DPP10: variants seen among roughly 807,000 people sequenced by gnomAD.
DPP10 encodes dipeptidyl peptidase like 10, also known as inactive dipeptidyl peptidase 10.
Under a neutral mutation model 120.9 loss-of-function variants are expected in DPP10, and 33 were observed. The ratio of observed to expected loss-of-function variants is 0.27; its 90% CI spans 0.21 to 0.37. The LOEUF (loss-of-function observed/expected upper bound fraction) is 0.37, where lower values mean the gene tolerates loss of function less well. Ranked by LOEUF, DPP10 falls within the 10% of genes least tolerant of loss-of-function variation. DPP10 has a pLI of 1.00. For synonymous variants in DPP10, 337 were observed against 326.1 expected (o/e 1.03, Z -0.36); for missense variants, 816 against 942.8 (o/e 0.87, Z 1.76).
In DPP10 at chr2:114,754,482, C is replaced by A. The variant is rs550087424; in HGVS notation, c.60+311644C>A. Among the ~76,000 whole-genome samples the A allele has an allele frequency of 7.2e-5, 11 of 152,266 alleles. No homozygotes were observed. In the East Asian group the frequency reaches 2.1e-3, roughly 29 times the overall value. On this transcript the variant is annotated intron_variant, in intron 1 of 25. Transcript: ENST00000410059. ...TCTCTAAGTCTAGAGGGTAAGCAGT[C>A]CATCCTGTGAGGGAGCATAGTTATT...
chr2:114,931,479 A>G (rs899181513), intron 1 of DPP10, among the ~76,000 whole-genome samples: 7 of 152,204 alleles, frequency 4.6e-5, no homozygotes, highest in Non-Finnish European at 8.8e-5. Flanking sequence ...GGGAGAACTC[A>G]TTACCATGAG....
intron 5 of DPP10, among the ~76,000 whole-genome samples, chr2:115,548,157 G>A (rs1010452835): frequency 1.3e-5 from 2 of 152,138 alleles, no homozygotes; most frequent in Admixed American, 1.3e-4. Flanking sequence ...AAGGTTATAA[G>A]CAAACATCTA....
intron 5 of DPP10, among the ~76,000 whole-genome samples, chr2:115,533,553 A>G (rs189084458): frequency 2.6e-4 from 40 of 152,216 alleles, no homozygotes; most frequent in Admixed American, 1.6e-3. Flanking sequence ...ACTCTTCTCT[A>G]GTGAATTATC....
chr2:114,893,428 G>A (rs1692703458), intron 1 of DPP10, among the ~76,000 whole-genome samples: 2 of 152,052 alleles, frequency 1.3e-5, no homozygotes, highest in African/African-American at 4.8e-5. Flanking sequence ...TGGCATTTAG[G>A]TATGGTCTTG....
Position 115,307,080 on chromosome 2 carries a change from T to C in DPP10, c.61-2159T>C, listed in dbSNP as rs72840711. Among the ~76,000 whole-genome samples the C allele has an allele frequency of 6.3e-3, 963 of 152,240 alleles. 4 individuals carry two copies. The highest frequency in any genetic ancestry group is 0.01 in the Non-Finnish European group (689 of 68,002). On this transcript the variant is annotated intron_variant, in intron 1 of 25. Coordinates refer to ENST00000410059, the MANE Select transcript of DPP10 (RefSeq NM_020868.6). ...CCTACTTATTAGTGATAAAAGGATATGTTACTAATCTCTTCAAATCCCGTT... is the reference window on the plus strand; with the variant it reads ...CCTACTTATTAGTGATAAAAGGATACGTTACTAATCTCTTCAAATCCCGTT...
chr2:115,711,915 G>GTTTTTTTTTTTTTTTTTTTTT lies in DPP10; in HGVS notation c.577-15901_577-15900insTTTTTTTTTTTTTTTTTTTTT, dbSNP rs1491280011. 3.6e-4 allele frequency among the ~76,000 whole-genome samples: 35 copies of GTTTTTTTTTTTTTTTTTTTTT among 96,986 alleles called. 17 individuals are homozygous for GTTTTTTTTTTTTTTTTTTTTT. The highest frequency in any genetic ancestry group is 4.3e-4 in the Non-Finnish European group (22 of 50,822). The allele number at this position is 96,986 out of a possible 152,430, so 63.6% of individuals were successfully genotyped here. On this transcript the variant is annotated intron_variant, in intron 7 of 25. Coordinates refer to ENST00000410059, the MANE Select transcript of DPP10 (RefSeq NM_020868.6). ...GAATATTGGACCTATAAAATGGTCT[G>GTTTTTTTTTTTTTTTTTTTTT]GTTTTTTTTTTTTTTTTTTTTTTGG...
At chr2:114,607,522 A>G (rs1354557882) in intron 1 of DPP10, among the ~76,000 whole-genome samples, 1 of 152,114 alleles carries the variant, frequency 6.6e-6, no homozygotes, top group Admixed American at 6.5e-5. Flanking sequence ...ATGTCTCCTT[A>G]TATATTTCTT....
At chr2:114,560,093 T>C (rs1360845810) in intron 1 of DPP10, among the ~76,000 whole-genome samples, 3 of 152,160 alleles carry the variant, frequency 2.0e-5, no homozygotes, top group Non-Finnish European at 4.4e-5. Context: ...GTTTTTACTT[T>C]AGGAAATTTT....
At chr2:114,848,952 G>A (rs753720464) in intron 1 of DPP10, among the ~76,000 whole-genome samples, 20 of 152,174 alleles carry the variant, frequency 1.3e-4, no homozygotes, top group Non-Finnish European at 2.5e-4. Flanking sequence ...CTGGTTCACA[G>A]CACATTCTTA....
Position 115,484,729 on chromosome 2 carries a change from T to C in DPP10, c.272-14781T>C, listed in dbSNP as rs145674947. Among the ~76,000 whole-genome samples the C allele has an allele frequency of 7.4e-3, 1,125 of 152,226 alleles. 6 individuals are homozygous for C. The highest frequency in any genetic ancestry group is 0.025 in the African/African-American group (1,030 of 41,544). On this transcript the variant is annotated intron_variant, in intron 3 of 25. Coordinates refer to ENST00000410059, the MANE Select transcript of DPP10 (RefSeq NM_020868.6). ...ACAACACTGAAGTATCTGTATCAAG[T>C]CATGCATGTCTGCATGAAGCCCTAC... is the stretch of plus-strand genomic sequence containing the variant.
In DPP10 at chr2:115,304,357, C is replaced by T. The variant is rs564461520; in HGVS notation, c.61-4882C>T. Reference sequence around the variant, plus strand: ...ATTGGTGTGATTGGGTTAAGAATGACGCTAAGAACGAACGTAAACAGTGTT... The same window carrying T: ...ATTGGTGTGATTGGGTTAAGAATGATGCTAAGAACGAACGTAAACAGTGTT... On this transcript the variant is annotated intron_variant, in intron 1 of 25. Coordinates refer to ENST00000410059, the MANE Select transcript of DPP10 (RefSeq NM_020868.6). Among the ~76,000 whole-genome samples, 8 of 151,984 alleles carry T rather than the reference C, an allele frequency of 5.3e-5. No individual in the cohort carries two copies. In the East Asian group the frequency reaches 9.7e-4, roughly 18 times the overall value.
At chr2:115,396,342 G>A (rs1040285245) in intron 3 of DPP10, among the ~76,000 whole-genome samples, 4 of 152,240 alleles carry the variant, frequency 2.6e-5, no homozygotes, top group Non-Finnish European at 4.4e-5. Context: ...TACTGTCCGA[G>A]TATATTACTA....
At chr2:114,797,262 T>C (rs1254206767) in intron 1 of DPP10, among the ~76,000 whole-genome samples, 3 of 152,178 alleles carry the variant, frequency 2.0e-5, no homozygotes, top group Admixed American at 2.0e-4. Flanking sequence ...AGTGATGAGG[T>C]TGTCCTTGCT....
At chr2:114,495,110 G>A (rs554855215) in intron 1 of DPP10, among the ~76,000 whole-genome samples, 2 of 152,054 alleles carry the variant, frequency 1.3e-5, no homozygotes, top group Non-Finnish European at 2.9e-5. Context: ...ATTTGCTAAG[G>A]ATTATAGAAA....
intron 1 of DPP10, among the ~76,000 whole-genome samples, chr2:114,965,895 G>A (rs11123264): frequency 0.23 from 33,517 of 148,420 alleles, 4,105 homozygotes; most frequent in Middle Eastern, 0.37. Context: ...GAACCCGGGA[G>A]GCAGGGCTTG....
rs17048456 is a variant in DPP10, at chr2:114,504,392, G to A, written c.60+61554G>A. Among the ~76,000 whole-genome samples the A allele has an allele frequency of 6.2e-3, 938 of 152,186 alleles. 6 individuals are homozygous for A. Among genetic ancestry groups the A allele is most frequent in the African/African-American group, 0.021 (891 of 41,504 alleles). ...TTTCTGGATTTGAAGGTCATCCTCAGTTTTGCTCCACTTGATCTCATGTTA... is the reference window on the plus strand; with the variant it reads ...TTTCTGGATTTGAAGGTCATCCTCAATTTTGCTCCACTTGATCTCATGTTA... On this transcript the variant is annotated intron_variant, in intron 1 of 25. Transcript: ENST00000410059.
chr2:115,261,333 A>T (rs1404204218), intron 1 of DPP10, among the ~76,000 whole-genome samples: 1 of 152,140 alleles, frequency 6.6e-6, no homozygotes, highest in Non-Finnish European at 1.5e-5. Flanking sequence ...ACTTTGGTGG[A>T]TCGTTTCCAG....
intron 1 of DPP10, among the ~76,000 whole-genome samples, chr2:115,023,066 A>G (rs1197781847): frequency 6.6e-6 from 1 of 152,212 alleles, no homozygotes; most frequent in Non-Finnish European, 1.5e-5. Flanking sequence ...AACATCGGAA[A>G]AACCCTTGTA....
chr2:115,216,880 T>C (rs2056858165), intron 1 of DPP10, among the ~76,000 whole-genome samples: 1 of 151,888 alleles, frequency 6.6e-6, no homozygotes, highest in Non-Finnish European at 1.5e-5. Flanking sequence ...GACATATACG[T>C]GTATATATGT....
Sources: gnomAD v4.1 joint callset for allele counts (sites outside exome capture counted in the v4.1 genomes callset) on GRCh38, gnomAD v4.1.1 for gene constraint, MANE v1.5 for transcripts, NCBI Gene and HGNC (gene_info 2026-07-23, HGNC 2026-07-21) for gene names.